Variants in GLIS3 observed in about 807,000 individuals in gnomAD.
The protein encoded by GLIS3 is zinc finger protein GLIS3.
GLIS3 carries 53 observed loss-of-function variants against 78.6 expected under a neutral mutation model. The observed-to-expected ratio is 0.67, with a 90% confidence interval of 0.54 to 0.85. The LOEUF (loss-of-function observed/expected upper bound fraction) is 0.85, where lower values mean the gene tolerates loss of function less well. Among genes scored for constraint, GLIS3 ranks in the 40% least tolerant of loss-of-function variants. The pLI, the probability that GLIS3 is intolerant of heterozygous loss-of-function variation, is 0.00. For missense variants in GLIS3, 1,703 were observed against 1,231.1 expected (o/e 1.38, Z -5.74); for synonymous variants, 684 against 509.9 (o/e 1.34, Z -4.60).
At chr9:3,980,538 G>C (rs1020454935) in intron 4 of GLIS3, among the ~76,000 whole-genome samples, 1 of 152,182 alleles carries the variant, frequency 6.6e-6, no homozygotes, top group South Asian at 2.1e-4. Context: ...AGATGACCTT[G>C]CTGTGTGTTT....
At chr9:4,024,457 G>A (rs1054818647) in intron 4 of GLIS3, among the ~76,000 whole-genome samples, 1 of 152,160 alleles carries the variant, frequency 6.6e-6, no homozygotes, top group Non-Finnish European at 1.5e-5. Context: ...AGCAGCCAAG[G>A]TAGCAGACAC....
chr9:4,451,611 T>C, the GLIS3 span, among the ~76,000 whole-genome samples: 1 of 152,076 alleles, frequency 6.6e-6, no homozygotes, highest in Admixed American at 6.6e-5. Context: ...AAAGCACTCC[T>C]CAGCAAACGT....
At chr9:3,950,827 G>A (rs1689129457) in intron 4 of GLIS3, among the ~76,000 whole-genome samples, 1 of 152,208 alleles carries the variant, frequency 6.6e-6, no homozygotes, top group Admixed American at 6.5e-5. Context: ...TAAAATGCAA[G>A]TTATTCATAT....
chr9:4,388,042 T>C, the GLIS3 span, among the ~76,000 whole-genome samples: 1 of 152,200 alleles, frequency 6.6e-6, no homozygotes, highest in Non-Finnish European at 1.5e-5. Flanking sequence ...CAATGTTTTG[T>C]TTTTGACTGA....
rs375343533 is a variant in GLIS3 at position 3,849,364 on chromosome 9, A to C, written c.2473+6645T>G. Among the ~76,000 whole-genome samples, 96 of 152,328 alleles carry C rather than the reference A, an allele frequency of 6.3e-4. 1 individual carries two copies. The highest frequency in any genetic ancestry group is 2.3e-3 in the African/African-American group (94 of 41,570). ...AATCTCCGTTTTGTTAAGTATGGCA[A>C]TGCGCTAAAATATCCATCTTCCCTG... On this transcript the variant is annotated intron_variant, in intron 9 of 10. Transcript: ENST00000381971.
At chr9:4,340,602 T>C (rs576185969) in intron 2 of GLIS3, among the ~76,000 whole-genome samples, 74 of 152,300 alleles carry the variant, frequency 4.9e-4, no homozygotes, top group African/African-American at 1.5e-3. Context: ...ATGGTCCATG[T>C]GCTCATCTCC....
At chr9:4,069,087 C>G (rs1827365725) in intron 4 of GLIS3, among the ~76,000 whole-genome samples, 1 of 152,116 alleles carries the variant, frequency 6.6e-6, no homozygotes, top group Non-Finnish European at 1.5e-5. Context: ...TACTATAAAA[C>G]TCACAGTTTT....
At chr9:4,484,833 A>G in the GLIS3 span, among the ~76,000 whole-genome samples, 1 of 152,150 alleles carries the variant, frequency 6.6e-6, no homozygotes, top group Non-Finnish European at 1.5e-5. Flanking sequence ...TTGTAGAACC[A>G]ATGAAAAGAC....
intron 2 of GLIS3, among the ~76,000 whole-genome samples, chr9:4,279,056 C>T (rs906036195): frequency 1.3e-5 from 2 of 152,052 alleles, no homozygotes; most frequent in Non-Finnish European, 2.9e-5. Flanking sequence ...AATCCCAGCA[C>T]TTTGGGAGGC....
the GLIS3 span, among the ~76,000 whole-genome samples, chr9:4,356,105 C>T: frequency 6.6e-6 from 1 of 152,224 alleles, no homozygotes; most frequent in Non-Finnish European, 1.5e-5. Flanking sequence ...TCCAAGTCGA[C>T]TCTCTTTGCT....
At chr9:4,319,622 T>G (rs959726051) in intron 2 of GLIS3, among the ~76,000 whole-genome samples, 2 of 152,108 alleles carry the variant, frequency 1.3e-5, no homozygotes, top group African/African-American at 4.8e-5. Context: ...CTCAAACTCC[T>G]GGGCTCAAGT....
rs114127043 is a variant in GLIS3, at chr9:4,090,962, C to T, written c.1710+26806G>A. 1.0e-2 allele frequency among the ~76,000 whole-genome samples: 1,517 copies of T among 152,228 alleles called. 24 individuals carry two copies. The highest frequency in any genetic ancestry group is 0.034 in the African/African-American group (1,414 of 41,530). ...AGCCATTTTCTAACTTAGGTAAGTT[C>T]CTTGAGCAATGTATTTAACCTCTTT... On this transcript the variant is annotated intron_variant, in intron 4 of 10. Transcript: ENST00000381971.
chr9:3,987,488 G>A (rs1819836043), intron 4 of GLIS3, among the ~76,000 whole-genome samples: 2 of 151,874 alleles, frequency 1.3e-5, no homozygotes, highest in Non-Finnish European at 2.9e-5. Context: ...GATCACCTGA[G>A]GTCAGGAGTT....
chr9:4,445,604 C>G, the GLIS3 span, among the ~76,000 whole-genome samples: 2 of 152,120 alleles, frequency 1.3e-5, no homozygotes, highest in African/African-American at 4.8e-5. Flanking sequence ...ACTGCCCTCC[C>G]ACCTGGGTGA....
At chr9:4,255,416 A>C (rs1322674452) in intron 2 of GLIS3, among the ~76,000 whole-genome samples, 1 of 152,220 alleles carries the variant, frequency 6.6e-6, no homozygotes, top group African/African-American at 2.4e-5. Context: ...ACCTGTACAT[A>C]GATGTTTATA....
At chr9:3,865,281 G>A (rs1384476521) in intron 8 of GLIS3, among the ~76,000 whole-genome samples, 2 of 152,180 alleles carry the variant, frequency 1.3e-5, no homozygotes, top group African/African-American at 2.4e-5. Flanking sequence ...TTCTTCACGT[G>A]CAGAAAGATA....
intron 9 of GLIS3, among the ~76,000 whole-genome samples, chr9:3,836,874 G>C (rs1332993485): frequency 1.3e-5 from 2 of 152,052 alleles, no homozygotes; most frequent in East Asian, 1.9e-4. Flanking sequence ...CTTCCTCTCT[G>C]TGACCCTATG....
At chr9:3,996,936 A>C (rs1820787480) in intron 4 of GLIS3, among the ~76,000 whole-genome samples, 5 of 152,236 alleles carry the variant, frequency 3.3e-5, no homozygotes, top group Admixed American at 3.3e-4. Context: ...AGTGTCTAGA[A>C]TAATACAAAT....
intron 5 of GLIS3, among the ~76,000 whole-genome samples, chr9:3,935,381 A>G (rs900110126): frequency 2.0e-5 from 3 of 152,044 alleles, no homozygotes; most frequent in Admixed American, 1.3e-4. Context: ...CGATTGCATT[A>G]ACAAAAATCA....
Sources: gnomAD v4.1 joint callset for allele counts (sites outside exome capture counted in the v4.1 genomes callset) on GRCh38, gnomAD v4.1.1 for gene constraint, MANE v1.5 for transcripts, NCBI Gene and HGNC (gene_info 2026-07-23, HGNC 2026-07-21) for gene names.